Variants in RHPN2 observed in about 807,000 individuals in gnomAD.
The protein encoded by RHPN2 is rhophilin Rho GTPase binding protein 2.
RHPN2 carries 40 observed loss-of-function variants against 79.0 expected under a neutral mutation model. The ratio of observed to expected loss-of-function variants is 0.51; its 90% CI spans 0.39 to 0.66. The LOEUF (loss-of-function observed/expected upper bound fraction) is 0.66, where lower values mean the gene tolerates loss of function less well. RHPN2 is among the 30% of genes least tolerant of loss of function. The pLI is 0.00. For missense variants in RHPN2, 686 were observed against 883.5 expected (o/e 0.78, Z 2.83); for synonymous variants, 285 against 363.5 (o/e 0.78, Z 2.46).
chr19:33,020,024 T>C (rs1599820837), intron 4 of RHPN2, among the ~76,000 whole-genome samples: 1 of 152,098 alleles, frequency 6.6e-6, no homozygotes, highest in South Asian at 2.1e-4. Flanking sequence ...CATCGGGGCA[T>C]GGTCTCTCCT....
intron 4 of RHPN2, among the ~76,000 whole-genome samples, chr19:33,020,438 G>A (rs1049578354): frequency 2.1e-5 from 3 of 140,202 alleles, no homozygotes; most frequent in South Asian, 2.3e-4. Flanking sequence ...CGACTCTCTC[G>A]TGCCTCAGCC....
At position 32,999,679 on chromosome 19, in the gene RHPN2, G is replaced by C. The variant is rs78615454; in HGVS notation, c.1132C>G (p.Gln378Glu). ...TAGAGCTGGGACAGGCACTTCTCCT[G>C]GTGGTCCAGATCCGTGCCTGGCTTC... ...QVKPGTDLDHQEKCLSQLYDH... is the reference protein window; with the variant it reads ...QVKPGTDLDHEEKCLSQLYDH... The change falls in exon 10 of 15, where the codon CAG (glutamine) becomes GAG (glutamate). Residue 378 changes from glutamine to glutamate, a missense_variant. By Grantham distance (29) the Gln-to-Glu change is conservative (BLOSUM62 2). Coordinates refer to ENST00000254260, the MANE Select transcript of RHPN2 (RefSeq NM_033103.5). 2 of 1,601,106 alleles carry C rather than the reference G, an allele frequency of 1.2e-6. No individual in the cohort carries two copies. The highest frequency in any genetic ancestry group is 1.7e-5 in the Admixed American group (1 of 59,768).
intron 14 of RHPN2, among the ~76,000 whole-genome samples, chr19:32,987,409 C>T (rs978299775): frequency 2.6e-5 from 4 of 152,306 alleles, no homozygotes; most frequent in African/African-American, 9.6e-5. Flanking sequence ...CCTCTCTCAA[C>T]TGACTTCTGC....
At chr19:33,000,848 A>G (rs1457683621) in intron 9 of RHPN2, among the ~76,000 whole-genome samples, 1 of 152,148 alleles carries the variant, frequency 6.6e-6, no homozygotes, top group African/African-American at 2.4e-5. Context: ...CCATGACTGT[A>G]CCATGGAGTC....
intron 4 of RHPN2, among the ~76,000 whole-genome samples, chr19:33,019,781 G>GA (rs113220342): frequency 2.8e-4 from 39 of 139,470 alleles, no homozygotes; most frequent in South Asian, 1.1e-3. Flanking sequence ...TAAAGAAAAA[G>GA]AAAAAAAAAA....
chr19:33,050,062 T>C (rs7247582), intron 1 of RHPN2, among the ~76,000 whole-genome samples: 26,921 of 152,044 alleles, frequency 0.18, 3,018 homozygotes, highest in South Asian at 0.36. Flanking sequence ...TCCCCCAACA[T>C]CCTTTCCAAA....
chr19:33,015,388 G>T (rs1706969832), intron 4 of RHPN2, among the ~76,000 whole-genome samples: 1 of 152,108 alleles, frequency 6.6e-6, no homozygotes, highest in Admixed American at 6.6e-5. Flanking sequence ...TTGAGCCATT[G>T]CACTCCAGCT....
intron 3 of RHPN2, among the ~76,000 whole-genome samples, 194 bp from the exon 4 acceptor site, chr19:33,021,840 C>T (rs111825821): frequency 2.0e-5 from 3 of 152,276 alleles, no homozygotes; most frequent in Admixed American, 6.5e-5. Context: ...AAACTGACCC[C>T]GCTCCCTAAG....
chr19:33,009,121 G>C (rs1362962270), intron 6 of RHPN2, among the ~76,000 whole-genome samples: 1 of 151,986 alleles, frequency 6.6e-6, no homozygotes, highest in East Asian at 1.9e-4. Context: ...GGGAGGGAGG[G>C]GGAGCACAAA....
chr19:33,014,526 G>C (rs35550433), intron 4 of RHPN2, among the ~76,000 whole-genome samples: 35,790 of 151,912 alleles, frequency 0.24, 4,536 homozygotes, highest in East Asian at 0.5. Context: ...GGCTGGTCTC[G>C]GACTCCTGGC....
At chr19:32,981,694 T>C (rs1971576217) in intron 14 of RHPN2, among the ~76,000 whole-genome samples, 1 of 146,766 alleles carries the variant, frequency 6.8e-6, no homozygotes, top group African/African-American at 2.6e-5. Context: ...TTTTTTTCTT[T>C]TTTTTCTTTT....
At chr19:32,993,044 G>A (rs1202352512) in intron 12 of RHPN2, among the ~76,000 whole-genome samples, 1 of 152,066 alleles carries the variant, frequency 6.6e-6, no homozygotes, top group South Asian at 2.1e-4. Flanking sequence ...CTTGAGCCCA[G>A]AAGGTTCAGG....
intron 4 of RHPN2, among the ~76,000 whole-genome samples, chr19:33,013,998 C>T (rs897038573): frequency 3.3e-5 from 5 of 151,878 alleles, no homozygotes; most frequent in African/African-American, 1.2e-4. Flanking sequence ...ACTTCAGCCT[C>T]CCAAGTAGCT....
intron 2 of RHPN2, among the ~76,000 whole-genome samples, chr19:33,034,550 G>A (rs1395883462): frequency 1.4e-5 from 2 of 139,906 alleles, no homozygotes; most frequent in African/African-American, 5.4e-5. Context: ...AGCTTACAGT[G>A]AACAGAGATC....
chr19:32,981,261 G>A (rs1377889973), intron 14 of RHPN2, among the ~76,000 whole-genome samples: 1 of 151,774 alleles, frequency 6.6e-6, no homozygotes, highest in African/African-American at 2.4e-5. Context: ...TACAGGGTGG[G>A]GCGCGGTGGC....
intron 3 of RHPN2, among the ~76,000 whole-genome samples, chr19:33,024,843 C>T (rs1161032762): frequency 6.6e-6 from 1 of 152,142 alleles, no homozygotes; most frequent in Non-Finnish European, 1.5e-5. Context: ...TCTCGACCTC[C>T]CTGGCTCAAG....
intron 2 of RHPN2, among the ~76,000 whole-genome samples, chr19:33,034,696 G>A (rs1972042315): frequency 6.8e-6 from 1 of 147,554 alleles, no homozygotes; most frequent in Admixed American, 7.0e-5. Flanking sequence ...CAGGAGAATC[G>A]CTTGAACCTG....
intron 1 of RHPN2, among the ~76,000 whole-genome samples, chr19:33,063,525 G>T (rs1299935340): frequency 3.9e-5 from 6 of 152,124 alleles, no homozygotes; most frequent in Non-Finnish European, 7.4e-5. Flanking sequence ...TTATAAAAAC[G>T]AAAATCAACA....
chr19:33,049,670 A>G (rs1028376659), intron 1 of RHPN2, among the ~76,000 whole-genome samples: 1 of 152,100 alleles, frequency 6.6e-6, no homozygotes, highest in Admixed American at 6.6e-5. Context: ...CACCCAAGAA[A>G]AGCAAGTACT....
Sources: allele counts gnomAD v4.1 joint callset (sites outside exome capture counted in the v4.1 genomes callset), GRCh38; gene constraint gnomAD v4.1.1; transcripts MANE v1.5; gene names NCBI Gene and HGNC (gene_info 2026-07-23, HGNC 2026-07-21).